Variants in PAX2 observed in about 807,000 individuals in gnomAD.
PAX2 encodes the protein paired box 2.
In PAX2, 9 loss-of-function variants were observed where a neutral mutation model predicts 41.7. The observed-to-expected ratio is 0.22, with a 90% CI of 0.13 to 0.38. The LOEUF is 0.38. Ranked by LOEUF, PAX2 falls within the 10% of genes least tolerant of loss-of-function variation. The probability of loss-of-function intolerance (pLI) is 1.00; values close to 1 mark genes in which losing one functional copy is unlikely to be tolerated. For synonymous variants in PAX2, 221 were observed against 212.7 expected, an observed-to-expected ratio of 1.04 and a Z score of -0.34; for missense variants, 418 against 531.6, an observed-to-expected ratio of 0.79 and a Z score of 2.10.
At chr10:100,798,979 A>G (rs1847440132) in intron 5 of PAX2, among the ~76,000 whole-genome samples, 1 of 152,270 alleles carries the variant, frequency 6.6e-6, no homozygotes, top group Non-Finnish European at 1.5e-5. Flanking sequence ...AAGGTAATTA[A>G]TGACTCCATT....
rs1490836600 is a variant in PAX2 at position 100,781,369 on chromosome 10, G to A, written c.616+4G>A. On this transcript the variant is annotated splice_donor_region_variant and intron_variant, in intron 5 of 9. Coordinates refer to ENST00000355243, the MANE Select transcript of PAX2 (RefSeq NM_000278.5). Reference sequence around the variant, plus strand: ...GAGAAGAGGAAACGTGATGAAGGTAGGGAGGAGGGAAGAGGTGTGGCTTCC... The same window carrying A: ...GAGAAGAGGAAACGTGATGAAGGTAAGGAGGAGGGAAGAGGTGTGGCTTCC... The A allele has an allele frequency of 1.2e-6, 2 of 1,613,968 alleles. No individual in the cohort carries two copies. The highest frequency in any genetic ancestry group is 2.7e-5 in the African/African-American group (2 of 74,928).
At chr10:100,777,125 G>A (rs546212863) in intron 3 of PAX2, among the ~76,000 whole-genome samples, 41 of 142,380 alleles carry the variant, frequency 2.9e-4, no homozygotes, top group Admixed American at 1.1e-3. Flanking sequence ...TTTTTGAGAC[G>A]GAGTCTTACT....
intron 3 of PAX2, among the ~76,000 whole-genome samples, chr10:100,761,320 G>C (rs575114751): frequency 6.6e-6 from 1 of 151,960 alleles, no homozygotes; most frequent in African/African-American, 2.4e-5. Context: ...GCTCACCTGC[G>C]CTCTCGACCC....
chr10:100,796,810 T>G (rs74152679), intron 5 of PAX2, among the ~76,000 whole-genome samples: 13 of 152,198 alleles, frequency 8.5e-5, no homozygotes, highest in African/African-American at 3.1e-4. Flanking sequence ...TTGGTCAGAA[T>G]TAAGTGGCCT....
At chr10:100,781,128 C>T (rs2133897361) in intron 4 of PAX2, 118 bp from the exon 5 acceptor site, 2 of 960,618 alleles carry the variant, frequency 2.1e-6, no homozygotes, top group East Asian at 2.4e-5. Context: ...GGAACGTGGG[C>T]TCCTCATCCC....
chr10:100,741,173 C>A (rs1162618984), upstream of PAX2, among the ~76,000 whole-genome samples: 1 of 152,128 alleles, frequency 6.6e-6, no homozygotes, highest in Non-Finnish European at 1.5e-5. Context: ...ACAGGACCAA[C>A]AGACCGAGCG....
chr10:100,750,999 C>T lies in PAX2; in HGVS notation c.410+108C>T. ...TCTTTGTCCAGCCTCTGCCCTTTCT[C>T]CCTGCTTCCAGCCCCAAATCCTTCT... On this transcript the variant is annotated intron_variant, in intron 3 of 9. Coordinates refer to ENST00000355243, the MANE Select transcript of PAX2 (RefSeq NM_000278.5). This position sits in a 1 kb window ranked among gnomAD's most constrained non-coding sequence, Gnocchi z 4.1. The T allele has an allele frequency of 1.1e-6, 1 of 884,240 alleles. No homozygotes were observed. The highest frequency in any genetic ancestry group is 1.9e-6 in the Non-Finnish European group (1 of 538,070). 54.8% of individuals were successfully genotyped at this position (884,240 alleles called of 1,614,324 possible).
Position 100,750,139 on chromosome 10 carries a change from T to C in PAX2, c.212+225T>C, listed in dbSNP as rs1332587241. ...CACCCAGTGCTTGCCCTGCCCCTGGTCCCTGGTGAGAAGGCAGCCCGTTTC... is the reference window on the plus strand; with the variant it reads ...CACCCAGTGCTTGCCCTGCCCCTGGCCCCTGGTGAGAAGGCAGCCCGTTTC... On this transcript the variant is annotated intron_variant, in intron 2 of 9. Transcript: ENST00000355243. This position sits in a 1 kb window ranked among gnomAD's most constrained non-coding sequence, Gnocchi z 4.1. Among the ~76,000 whole-genome samples, 1 of 152,002 alleles carries C rather than the reference T, an allele frequency of 6.6e-6. No homozygotes were observed. Among genetic ancestry groups the C allele is most frequent in the Non-Finnish European group, 1.5e-5 (1 of 68,014 alleles).
chr10:100,758,873 C>T (rs1365316562), intron 3 of PAX2, among the ~76,000 whole-genome samples: 1 of 152,196 alleles, frequency 6.6e-6, no homozygotes, highest in African/African-American at 2.4e-5. Flanking sequence ...TCCTGGGTCC[C>T]TTGGTCCAGA....
At chr10:100,746,382 C>T (rs1845175350) in intron 1 of PAX2, 79 bp downstream of exon 1, 1 of 1,006,428 alleles carries the variant, frequency 9.9e-7, no homozygotes, top group Non-Finnish European at 1.6e-6. Context: ...TGGCCCCGGC[C>T]CCTCGCGCTC....
At chr10:100,810,038 T>C (rs1290759692) in intron 7 of PAX2, among the ~76,000 whole-genome samples, 1 of 151,888 alleles carries the variant, frequency 6.6e-6, no homozygotes, top group Non-Finnish European at 1.5e-5. Flanking sequence ...GTTATTAAAA[T>C]TCACCTAATT....
At chr10:100,814,891 T>G (rs957470715) in intron 7 of PAX2, among the ~76,000 whole-genome samples, 1 of 152,126 alleles carries the variant, frequency 6.6e-6, no homozygotes, top group Non-Finnish European at 1.5e-5. Flanking sequence ...AAGAGGCTGG[T>G]CTCCCAGAAG....
At chr10:100,811,583 T>C (rs1220085090) in intron 7 of PAX2, among the ~76,000 whole-genome samples, 1 of 152,244 alleles carries the variant, frequency 6.6e-6, no homozygotes, top group Non-Finnish European at 1.5e-5. Flanking sequence ...AGAACTGGGC[T>C]CCAGGCAGAG....
upstream of PAX2, among the ~76,000 whole-genome samples, chr10:100,742,843 C>CTTTTTTTTTTTTTTTTTTT (rs61627823): frequency 1.7e-3 from 72 of 41,260 alleles, 25 homozygotes; most frequent in Non-Finnish European, 2.4e-3. Context: ...TTCTTTCTTC[C>CTTTTTTTTTTTTTTTTTTT]TTTTTTTTTT....
At chr10:100,749,432 C>T (rs1845348037) in intron 1 of PAX2, 2 of 1,210,366 alleles carry the variant, frequency 1.7e-6, no homozygotes, top group African/African-American at 3.1e-5. Flanking sequence ...GGCATGAATT[C>T]CCCTTTGGCA....
At chr10:100,745,365 A>ATTTCTCCCTCCCC (rs1278768846), upstream of PAX2, among the ~76,000 whole-genome samples, 24 of 48,880 alleles carry the variant, frequency 4.9e-4, no homozygotes, top group Non-Finnish European at 1.0e-3. Flanking sequence ...CCTCCCTCCC[A>ATTTCTCCCTCCCC]TTTCTCCCTC....
chr10:100,742,573 A>C (rs1157053965), upstream of PAX2, among the ~76,000 whole-genome samples: 2 of 152,210 alleles, frequency 1.3e-5, no homozygotes, highest in East Asian at 1.9e-4. Context: ...GAGGCGGCTA[A>C]TGAAGCAAAT....
Position 100,748,732 on chromosome 10 carries a change from C to T in PAX2, c.44-1014C>T, listed in dbSNP as rs1028486858. Reference sequence around the variant, plus strand: ...CCCGCGCTGGAGCCGGGTTGGAAACCCCGTGCCCTTCTCTTGGCCGAAAGA... The same window carrying T: ...CCCGCGCTGGAGCCGGGTTGGAAACTCCGTGCCCTTCTCTTGGCCGAAAGA... On this transcript the variant is annotated intron_variant, in intron 1 of 9. Transcript: ENST00000355243. This position sits in a 1 kb window ranked among gnomAD's most constrained non-coding sequence, Gnocchi z 5.0. 17 of 985,502 alleles carry T rather than the reference C, an allele frequency of 1.7e-5. No individual in the cohort carries two copies. The highest frequency in any genetic ancestry group is 1.9e-5 in the Non-Finnish European group (16 of 829,970). The allele number at this position is 985,502 out of a possible 1,614,324, so 61.0% of individuals were successfully genotyped here.
chr10:100,770,654 G>T (rs144850721), intron 3 of PAX2, among the ~76,000 whole-genome samples: 1 of 152,164 alleles, frequency 6.6e-6, no homozygotes, highest in Non-Finnish European at 1.5e-5. Flanking sequence ...AAAGATTATC[G>T]CCCTCAATGC....
Sources: gnomAD v4.1 joint callset for allele counts (sites outside exome capture counted in the v4.1 genomes callset) on GRCh38, gnomAD v4.1.1 for gene constraint, Gnocchi (gnomAD v3.1) non-coding constraint, MANE v1.5 for transcripts, NCBI Gene and HGNC (gene_info 2026-07-23, HGNC 2026-07-21) for gene names.